MRTFB: variants seen among roughly 807,000 people sequenced by gnomAD.
MRTFB encodes myocardin related transcription factor B, also known as myocardin-related transcription factor B.
MRTFB carries 29 observed loss-of-function variants against 104.2 expected under a neutral mutation model. The ratio of observed to expected loss-of-function variants is 0.28; its 90% confidence interval spans 0.21 to 0.38. The LOEUF (loss-of-function observed/expected upper bound fraction) is 0.38, where lower values mean the gene tolerates loss of function less well. Among genes scored for constraint, MRTFB ranks in the 10% least tolerant of loss-of-function variants. The pLI is 1.00. For synonymous variants in MRTFB, 535 were observed against 519.5 expected (o/e 1.03, Z -0.41); for missense variants, 1,270 against 1,341.6 (o/e 0.95, Z 0.83).
chr16:14,148,777 C>T (rs577826449), intron 3 of MRTFB: 11 of 152,762 alleles, frequency 7.2e-5, no homozygotes, highest in South Asian at 2.1e-4. Flanking sequence ...TTATGACATC[C>T]GTACAGCAGC....
chr16:14,114,162 C>A (rs2036417522), intron 2 of MRTFB, among the ~76,000 whole-genome samples: 1 of 152,154 alleles, frequency 6.6e-6, no homozygotes, highest in Non-Finnish European at 1.5e-5. Context: ...CAATGTCTTC[C>A]CAATTGACAT....
At chr16:14,138,360 C>G (rs960424790) in intron 2 of MRTFB, among the ~76,000 whole-genome samples, 1 of 152,102 alleles carries the variant, frequency 6.6e-6, no homozygotes, top group South Asian at 2.1e-4. Context: ...AAGTTTTTAT[C>G]TGGTATCACT....
the MRTFB span, among the ~76,000 whole-genome samples, chr16:14,040,331 A>G: frequency 1.3e-5 from 2 of 152,240 alleles, no homozygotes; most frequent in African/African-American, 2.4e-5. Flanking sequence ...ATAATAAGAG[A>G]AATTGCTGGG....
chr16:14,189,470 A>G (rs968931169), intron 3 of MRTFB, among the ~76,000 whole-genome samples: 37 of 152,234 alleles, frequency 2.4e-4, no homozygotes, highest in African/African-American at 8.0e-4. Context: ...GTTTTACTCT[A>G]AAATACCCTG....
chr16:14,012,233 CT>C, the MRTFB span, among the ~76,000 whole-genome samples: 183 of 127,640 alleles, frequency 1.4e-3, no homozygotes, highest in Admixed American at 3.2e-3. Context: ...TCTTTTTTTT[CT>C]TTTTTTTTTT....
At chr16:14,127,915 ATATATATATATATATTT>A (rs2037210791) in intron 2 of MRTFB, among the ~76,000 whole-genome samples, 2 of 48,906 alleles carry the variant, frequency 4.1e-5, no homozygotes, top group Admixed American at 2.0e-4. Context: ...ATATATATAT[ATATATATATATATATTT>A]TTTTTTTTTT....
chr16:14,001,746 C>G, the MRTFB span, among the ~76,000 whole-genome samples: 8 of 152,200 alleles, frequency 5.3e-5, no homozygotes, highest in African/African-American at 1.9e-4. Flanking sequence ...ATCCAAAGTT[C>G]CCTCGTTGCC....
chr16:14,003,402 C>A, the MRTFB span, among the ~76,000 whole-genome samples: 1 of 152,348 alleles, frequency 6.6e-6, no homozygotes, highest in South Asian at 2.1e-4. Flanking sequence ...TGTCTCTCTC[C>A]ACCCTCCACC....
the MRTFB span, among the ~76,000 whole-genome samples, chr16:14,004,325 AAT>A: frequency 6.6e-6 from 1 of 152,162 alleles, no homozygotes; most frequent in African/African-American, 2.4e-5. Flanking sequence ...ACCACAGGTT[AAT>A]CAGGGTCAGG....
chr16:14,164,454 CG>C (rs1484565604), intron 3 of MRTFB, among the ~76,000 whole-genome samples: 1 of 151,426 alleles, frequency 6.6e-6, no homozygotes, highest in South Asian at 2.1e-4. Flanking sequence ...CATGTGTGTG[CG>C]GGGGTGGGGG....
chr16:14,090,793 A>G (rs2035009379), intron 2 of MRTFB, among the ~76,000 whole-genome samples: 1 of 152,122 alleles, frequency 6.6e-6, no homozygotes, highest in African/African-American at 2.4e-5. Flanking sequence ...TAAAATGTAG[A>G]TAGAGGTGTG....
At position 14,140,695 on chromosome 16, in the gene MRTFB, A is replaced by G. The variant is rs1377368834; in HGVS notation, c.89A>G (p.His30Arg). The G allele has an allele frequency of 6.8e-6, 11 of 1,613,792 alleles. 1 individual carries two copies. The highest frequency in any genetic ancestry group is 9.3e-6 in the Non-Finnish European group (11 of 1,179,784). The change falls in exon 3 of 17, where the codon CAT becomes CGT. Residue 30 changes from histidine (H) to arginine (R), a missense_variant. Physicochemically the swap from His to Arg is conservative, Grantham distance 29. This residue lies in a region of MRTFB where 62 missense variants were observed against 57.2 expected (regional missense o/e 1.08). Transcript: ENST00000571589. Reference sequence around the variant, plus strand: ...AGTCCTCAGAGTGAAGCTGTGGCTCATGAATTCCAGGAACTCTCCTTGCAG... The same window carrying G: ...AGTCCTCAGAGTGAAGCTGTGGCTCGTGAATTCCAGGAACTCTCCTTGCAG... ...APSPQSEAVA[H>R]EFQELSLQSS...
chr16:14,003,208 C>T, the MRTFB span, among the ~76,000 whole-genome samples: 1 of 152,178 alleles, frequency 6.6e-6, no homozygotes, highest in Non-Finnish European at 1.5e-5. Flanking sequence ...TTCCAGCCAA[C>T]ACTCCGAGAG....
chr16:14,175,309 A>G (rs8058342), intron 3 of MRTFB, among the ~76,000 whole-genome samples: 7 of 152,358 alleles, frequency 4.6e-5, no homozygotes, highest in Admixed American at 2.6e-4. Flanking sequence ...ACGCCTGTTT[A>G]TAATCCATTC....
At chr16:14,186,981 C>T in intron 3 of MRTFB, 1 of 1,597,874 alleles carries the variant, frequency 6.3e-7, no homozygotes, top group Non-Finnish European at 8.5e-7. Context: ...GGATTTTGAA[C>T]CATTAAAAGA....
At chr16:14,137,815 A>C (rs7206863) in intron 2 of MRTFB, among the ~76,000 whole-genome samples, 8,774 of 152,052 alleles carry the variant, frequency 0.058, 497 homozygotes, top group East Asian at 0.3. Flanking sequence ...ACTTATATGC[A>C]TACATTTATA....
chr16:14,096,898 C>G (rs528805933), intron 2 of MRTFB, among the ~76,000 whole-genome samples: 1 of 152,336 alleles, frequency 6.6e-6, no homozygotes, highest in South Asian at 2.1e-4. Context: ...TCTTGCTGTA[C>G]ATAGAAGTAG....
At position 14,246,941 on chromosome 16, in the gene MRTFB, T is replaced by C. The variant is rs1366712724; in HGVS notation, c.1681T>C (p.Ser561Pro). 2.1e-5 allele frequency: 34 copies of C among 1,613,902 alleles called. No homozygotes were observed. Among genetic ancestry groups the C allele is most frequent in the Non-Finnish European group, 2.8e-5 (33 of 1,180,010 alleles). Residue 561 changes from serine to proline, a missense_variant, in exon 12 of 17, where the codon TCA becomes CCA. Physicochemically the swap from Ser to Pro is moderately conservative, Grantham distance 74. Transcript: ENST00000571589. ...DSLSPTSSTL[S>P]NLELDAAEKD... is the part of the protein sequence containing the mutation. Reference sequence around the variant, plus strand: ...TCTGAGTCCCACCAGCAGCACTCTGTCAAACCTGGAACTGGATGCAGCCGA... The same window carrying C: ...TCTGAGTCCCACCAGCAGCACTCTGCCAAACCTGGAACTGGATGCAGCCGA...
At chr16:14,234,417 C>A (rs1299839840) in intron 9 of MRTFB, 134 bp downstream of exon 9, 3 of 1,032,722 alleles carry the variant, frequency 2.9e-6, no homozygotes, top group Admixed American at 2.8e-5. Context: ...AAAACTAAGC[C>A]ATGCAAAGAC....
Sources: gnomAD v4.1 joint callset for allele counts (sites outside exome capture counted in the v4.1 genomes callset) on GRCh38, gnomAD v4.1.1 for gene constraint, gnomAD v4.1.1 regional missense constraint, MANE v1.5 for transcripts, NCBI Gene and HGNC (gene_info 2026-07-23, HGNC 2026-07-21) for gene names.